NID1: variants seen among roughly 807,000 people sequenced by gnomAD.
NID1 encodes nidogen 1.
Under a neutral mutation model 130.6 loss-of-function variants are expected in NID1, and 76 were observed. The observed-to-expected ratio is 0.58, with a 90% CI of 0.48 to 0.70. The LOEUF (loss-of-function observed/expected upper bound fraction) is 0.70, where lower values mean the gene tolerates loss of function less well. Among genes scored for constraint, NID1 ranks in the 30% least tolerant of loss-of-function variants. The probability of loss-of-function intolerance (pLI) is 0.00; values close to 1 mark genes in which losing one functional copy is unlikely to be tolerated. For synonymous variants in NID1, 665 were observed against 675.1 expected (o/e 0.98, Z 0.23); for missense variants, 1,517 against 1,664.8 (o/e 0.91, Z 1.54).
intron 12 of NID1, among the ~76,000 whole-genome samples, chr1:236,008,349 G>C (rs535641611): frequency 2.6e-5 from 4 of 152,268 alleles, no homozygotes; most frequent in Admixed American, 2.0e-4. Flanking sequence ...TTCAAAGCCA[G>C]TTTAGTTTTC....
chr1:236,025,020 G>T (rs1262077450), intron 8 of NID1, among the ~76,000 whole-genome samples: 1 of 150,798 alleles, frequency 6.6e-6, no homozygotes, highest in Non-Finnish European at 1.5e-5. Flanking sequence ...ATATGATCTT[G>T]GCTCACTGCA....
At chr1:236,061,542 T>C (rs1417817630) in intron 1 of NID1, among the ~76,000 whole-genome samples, 3 of 152,152 alleles carry the variant, frequency 2.0e-5, no homozygotes, top group East Asian at 3.8e-4. Context: ...CTTGGCTTAC[T>C]GCAACCTCCA....
Position 236,025,263 on chromosome 1 carries a change from C to CTTTTTTTTTTTT in NID1, c.1984+621_1984+632dup, listed in dbSNP as rs750410998. On this transcript the variant is annotated intron_variant, in intron 8 of 19. Transcript: ENST00000264187. ...CACCATGCTCGGCCCTACAATTTCT[C>CTTTTTTTTTTTT]TTTTTTTTTTTTTTTTGAGACAGAG... Among the ~76,000 whole-genome samples, 46 of 123,754 alleles carry CTTTTTTTTTTTT rather than the reference C, an allele frequency of 3.7e-4. 1 individual carries two copies. The highest frequency in any genetic ancestry group is 1.1e-3 in the African/African-American group (35 of 31,508). The allele number at this position is 123,754 out of a possible 152,430, so 81.2% of individuals were successfully genotyped here.
rs1200130132 is a variant in NID1 at position 236,017,209 on chromosome 1, T to C, written c.2193A>G (p.Pro731=). The change falls in exon 10 of 20, where the codon CCA becomes CCG. Residue 731 remains proline, a synonymous_variant. Coordinates refer to ENST00000264187, the MANE Select transcript of NID1 (RefSeq NM_002508.3). ...CCACACACTCGCAGCGGAAGGTTCC[T>C]GGGTGATTATTGCAGATTGTGTGGC... The part of the protein sequence containing the change: ...CGSHTICNNH[P]GTFRCECVEG... 1 of 1,614,176 alleles carries C rather than the reference T, an allele frequency of 6.2e-7. No homozygotes were observed. The highest frequency in any genetic ancestry group is 1.7e-5 in the Admixed American group (1 of 60,030).
intron 17 of NID1, among the ~76,000 whole-genome samples, chr1:235,980,212 C>T (rs147784769): frequency 6.6e-6 from 1 of 152,238 alleles, no homozygotes; most frequent in Non-Finnish European, 1.5e-5. Flanking sequence ...CTGTGCAGTG[C>T]CACTTACAAC....
chr1:235,987,549 T>C (rs544524398), intron 14 of NID1, among the ~76,000 whole-genome samples: 33 of 151,888 alleles, frequency 2.2e-4, no homozygotes, highest in African/African-American at 7.7e-4. Flanking sequence ...CAGTGAGGAG[T>C]TCCTTTCTTT....
At chr1:236,032,875 T>A (rs1659140822) in intron 5 of NID1, among the ~76,000 whole-genome samples, 2 of 152,156 alleles carry the variant, frequency 1.3e-5, no homozygotes, top group Admixed American at 6.5e-5. Context: ...TCTCTTCCTG[T>A]GACTGAAAAT....
At chr1:235,994,018 A>C in intron 12 of NID1, 146 bp from the exon 13 acceptor site, 1 of 647,456 alleles carries the variant, frequency 1.5e-6, no homozygotes, top group Admixed American at 3.0e-5. Context: ...GTTATTCAAA[A>C]TGCAGAAACA....
intron 2 of NID1, among the ~76,000 whole-genome samples, chr1:236,047,325 C>T (rs1335673965): frequency 6.6e-6 from 1 of 152,148 alleles, no homozygotes; most frequent in Non-Finnish European, 1.5e-5. Context: ...AAATACCTCC[C>T]ATTTATATGA....
At chr1:236,059,425 G>C (rs1659982886) in intron 1 of NID1, among the ~76,000 whole-genome samples, 1 of 152,214 alleles carries the variant, frequency 6.6e-6, no homozygotes, top group African/African-American at 2.4e-5. Flanking sequence ...TAATCCGTTT[G>C]CAAGGTGCTT....
At chr1:236,017,053 T>C (rs1658614754) in intron 10 of NID1, 95 bp downstream of exon 10, 1 of 1,550,046 alleles carries the variant, frequency 6.5e-7, no homozygotes, top group African/African-American at 1.4e-5. Context: ...CCTTCCAACT[T>C]GACCAGACTC....
At chr1:236,005,017 A>T (rs181558193) in intron 12 of NID1, among the ~76,000 whole-genome samples, 33 of 151,864 alleles carry the variant, frequency 2.2e-4, no homozygotes, top group Admixed American at 4.6e-4. Context: ...TCTACTAAAA[A>T]TACAAAATTA....
chr1:236,034,418 A>G (rs1236884501), intron 5 of NID1, among the ~76,000 whole-genome samples: 27 of 123,130 alleles, frequency 2.2e-4, no homozygotes, highest in African/African-American at 8.4e-4. Flanking sequence ...GCGAAACTCC[A>G]TCTCAAAAAA....
chr1:236,045,798 T>A, intron 2 of NID1, 115 bp from the exon 3 acceptor site: 1 of 767,010 alleles, frequency 1.3e-6, no homozygotes, highest in Non-Finnish European at 2.1e-6. Flanking sequence ...GGCAATATTC[T>A]CACCTTATTC....
At chr1:236,016,477 C>T (rs913680496) in intron 10 of NID1, among the ~76,000 whole-genome samples, 16 of 152,182 alleles carry the variant, frequency 1.1e-4, no homozygotes, top group African/African-American at 3.9e-4. Context: ...TGGCACCCTC[C>T]AGACCTGGGA....
intron 12 of NID1, among the ~76,000 whole-genome samples, chr1:235,996,320 A>G (rs1313900001): frequency 6.6e-6 from 1 of 152,252 alleles, no homozygotes; most frequent in Non-Finnish European, 1.5e-5. Flanking sequence ...CTGCCTTGAC[A>G]GAGGGAGATA....
intron 14 of NID1, among the ~76,000 whole-genome samples, chr1:235,986,247 TGAA>T (rs1309964455): frequency 6.6e-6 from 1 of 152,204 alleles, no homozygotes; most frequent in Non-Finnish European, 1.5e-5. Context: ...GCATACATAT[TGAA>T]GAAGTAAAAT....
rs753674956 is a variant in NID1, at chr1:236,024,174, C to A, written c.2024G>T (p.Gly675Val). 1 of 1,614,242 alleles carries A rather than the reference C, an allele frequency of 6.2e-7. No individual in the cohort carries two copies. ...CGCGTTGGTGTCACACCCATGAGTG[C>A]CGATGTAGCAGGGATTCTGAAGAGC... ...PDALQNPCYI[G>V]THGCDTNAAC... Residue 675 changes from glycine to valine, a missense_variant, in exon 9 of 20, where the codon GGC becomes GTC. Around this residue, in one of 3 missense-constraint regions of NID1, gnomAD observed 1,329 missense variants for 1,429.2 expected, o/e 0.93. Coordinates refer to ENST00000264187, the MANE Select transcript of NID1 (RefSeq NM_002508.3).
chr1:236,021,761 A>C (rs1658771460), intron 9 of NID1, among the ~76,000 whole-genome samples: 2 of 152,220 alleles, frequency 1.3e-5, no homozygotes, highest in Admixed American at 1.3e-4. Context: ...CTAATTGCAG[A>C]CTTAAACAGC....
Sources: allele counts gnomAD v4.1 joint callset (sites outside exome capture counted in the v4.1 genomes callset), GRCh38; gene constraint gnomAD v4.1.1; regional missense constraint gnomAD v4.1.1; transcripts MANE v1.5; gene names NCBI Gene and HGNC (gene_info 2026-07-23, HGNC 2026-07-21).